Variants in GLYATL2 observed in about 807,000 individuals in gnomAD.
GLYATL2 encodes glycine-N-acyltransferase like 2.
Under a neutral mutation model 21.4 loss-of-function variants are expected in GLYATL2, and 25 were observed. The observed-to-expected ratio is 1.17, with a 90% confidence interval of 0.85 to 1.63. The LOEUF (loss-of-function observed/expected upper bound fraction) is 1.63. GLYATL2 is among the 40% of genes most tolerant of loss of function. The probability of loss-of-function intolerance (pLI) is 0.00; values close to 1 mark genes in which losing one functional copy is unlikely to be tolerated. For synonymous variants in GLYATL2, 114 were observed against 118.2 expected (o/e 0.96, Z 0.23); for missense variants, 361 against 343.3 (o/e 1.05, Z -0.41).
At chr11:58,860,495 T>C (rs1291581903) in intron 1 of GLYATL2, among the ~76,000 whole-genome samples, 2 of 152,120 alleles carry the variant, frequency 1.3e-5, no homozygotes, top group African/African-American at 4.8e-5. Context: ...TTTAACCTAG[T>C]TTGCTGCAGT....
intron 1 of GLYATL2, among the ~76,000 whole-genome samples, chr11:58,887,074 T>C (rs1050199211): frequency 1.8e-4 from 28 of 152,220 alleles, no homozygotes; most frequent in Non-Finnish European, 3.8e-4. Flanking sequence ...TTGTAGGAGG[T>C]CAAGTAGTTC....
chr11:58,873,495 AG>A (rs1177404119), intron 1 of GLYATL2, among the ~76,000 whole-genome samples: 3 of 152,196 alleles, frequency 2.0e-5, no homozygotes, highest in Non-Finnish European at 1.5e-5. Context: ...TTTAGCATGA[AG>A]GGCTGTTGAA....
At chr11:58,861,202 C>CTT (rs1853924873) in intron 1 of GLYATL2, among the ~76,000 whole-genome samples, 1 of 151,964 alleles carries the variant, frequency 6.6e-6, no homozygotes, top group African/African-American at 2.4e-5. Context: ...TGGAATTCAG[C>CTT]AGTGAAGCCA....
chr11:58,856,914 G>A (rs534618343), intron 1 of GLYATL2, among the ~76,000 whole-genome samples: 3 of 152,336 alleles, frequency 2.0e-5, no homozygotes, highest in African/African-American at 7.2e-5. Flanking sequence ...CAGTAGACTT[G>A]CTTGATGCAG....
chr11:58,834,301 G>T lies in GLYATL2; in HGVS notation c.*128C>A. 1.5e-6 allele frequency: 1 copy of T among 677,126 alleles called. No homozygotes were observed. The highest frequency in any genetic ancestry group is 2.3e-6 in the Non-Finnish European group (1 of 427,284). 41.9% of individuals were successfully genotyped at this position (677,126 alleles called of 1,614,324 possible). A position where few individuals can be genotyped will look rare whatever the true frequency, so the allele number is the denominator to read the frequency against. The stretch of plus-strand genomic sequence containing the variant: ...GAGAAGGAAGGTAAAACTGTTAAGG[G>T]TGAGCTTAAGTAATACACAGATCCT... On this transcript the variant is annotated 3_prime_UTR_variant, in exon 6 of 6. Coordinates refer to ENST00000287275, the MANE Select transcript of GLYATL2 (RefSeq NM_145016.4).
chr11:58,862,779 T>C (rs1314184852), intron 1 of GLYATL2, among the ~76,000 whole-genome samples: 3 of 152,224 alleles, frequency 2.0e-5, no homozygotes, highest in Non-Finnish European at 1.5e-5. Flanking sequence ...AGATTCATTG[T>C]CAGAAAGTTC....
chr11:58,887,653 G>A (rs1009506611), intron 1 of GLYATL2, among the ~76,000 whole-genome samples: 3 of 152,122 alleles, frequency 2.0e-5, no homozygotes, highest in Admixed American at 6.5e-5. Context: ...ACATCCCTTC[G>A]GGTGAATCAA....
upstream of GLYATL2, chr11:58,908,435 T>C (rs1417515635): frequency 1.2e-5 from 2 of 171,466 alleles, no homozygotes; most frequent in Non-Finnish European, 2.6e-5. Flanking sequence ...TTTCCACTAG[T>C]AGAAGTTAGT....
chr11:58,853,554 G>A (rs1482834925), intron 1 of GLYATL2, among the ~76,000 whole-genome samples: 1 of 152,092 alleles, frequency 6.6e-6, no homozygotes, highest in Non-Finnish European at 1.5e-5. Flanking sequence ...GGTGGGCTCT[G>A]ACACCTTTTA....
intron 1 of GLYATL2, among the ~76,000 whole-genome samples, chr11:58,873,747 C>CT (rs560627161): frequency 1.3e-5 from 2 of 152,052 alleles, no homozygotes; most frequent in Admixed American, 6.6e-5. Flanking sequence ...CTAAAATTCT[C>CT]TTTTTTTGTT....
At chr11:58,855,756 A>G (rs1853817416) in intron 1 of GLYATL2, among the ~76,000 whole-genome samples, 2 of 152,256 alleles carry the variant, frequency 1.3e-5, no homozygotes, top group African/African-American at 2.4e-5. Flanking sequence ...TTCAACAATT[A>G]TCTTAGCTAG....
chr11:58,874,731 G>T (rs1310008809), intron 1 of GLYATL2, among the ~76,000 whole-genome samples: 2 of 152,176 alleles, frequency 1.3e-5, no homozygotes, highest in African/African-American at 4.8e-5. Flanking sequence ...TTTTGTAGTA[G>T]TTGTAGTGTG....
At chr11:58,908,625 T>C (rs920303059), upstream of GLYATL2, 7 of 154,748 alleles carry the variant, frequency 4.5e-5, no homozygotes, top group Non-Finnish European at 8.7e-5. Context: ...GGAGATAAAT[T>C]CCTAAAGAAT....
Position 58,866,250 on chromosome 11 carries a change from G to T in GLYATL2, n.61-27882C>A, listed in dbSNP as rs191319956. Among the ~76,000 whole-genome samples, 3 of 149,036 alleles carry T rather than the reference G, an allele frequency of 2.0e-5. No individual in the cohort carries two copies. In the Admixed American group the frequency reaches 2.1e-4, roughly 10 times the overall value. On this transcript the variant is annotated intron_variant and non_coding_transcript_variant, in intron 1 of 4. Coordinates refer to the GLYATL2 transcript ENST00000533636. ...AGATTGTTATTTATCTCAAACTCCAGAAACTCTCATTCTTTTCTGGGATCC... is the reference window on the plus strand; with the variant it reads ...AGATTGTTATTTATCTCAAACTCCATAAACTCTCATTCTTTTCTGGGATCC...
chr11:58,894,730 A>C (rs993277948), intron 1 of GLYATL2, among the ~76,000 whole-genome samples: 1 of 152,200 alleles, frequency 6.6e-6, no homozygotes, highest in African/African-American at 2.4e-5. Flanking sequence ...TTCATCTTAG[A>C]AGGCTGTGGT....
chr11:58,850,787 A>C (rs1853727403), intron 1 of GLYATL2, among the ~76,000 whole-genome samples: 1 of 152,028 alleles, frequency 6.6e-6, no homozygotes, highest in Non-Finnish European at 1.5e-5. Context: ...ACTCTGCTCC[A>C]CCACTCTTGT....
chr11:58,854,180 C>T lies in GLYATL2; in HGVS notation n.61-15812G>A, dbSNP rs1297068196. Among the ~76,000 whole-genome samples the T allele has an allele frequency of 2.0e-5, 3 of 151,996 alleles. No homozygotes were observed. In the East Asian group the frequency reaches 5.8e-4, roughly 29 times the overall value. ...TTAGTATTCTATTGTGCATATATACCACATTTTTAATGTTCATTAATCTGT... is the reference window on the plus strand; with the variant it reads ...TTAGTATTCTATTGTGCATATATACTACATTTTTAATGTTCATTAATCTGT... On this transcript the variant is annotated intron_variant and non_coding_transcript_variant, in intron 1 of 4. Coordinates refer to the GLYATL2 transcript ENST00000533636.
chr11:58,897,349 C>A (rs770662707), intron 1 of GLYATL2, among the ~76,000 whole-genome samples: 5 of 152,164 alleles, frequency 3.3e-5, no homozygotes, highest in Non-Finnish European at 5.9e-5. Flanking sequence ...AGAAGGGTAA[C>A]CTGCATGCCC....
chr11:58,882,313 G>A (rs1854353279), intron 1 of GLYATL2, among the ~76,000 whole-genome samples: 1 of 152,180 alleles, frequency 6.6e-6, no homozygotes, highest in Non-Finnish European at 1.5e-5. Context: ...GTTTTGATTA[G>A]CATTTCTCTG....
Sources: gnomAD v4.1 joint callset for allele counts (sites outside exome capture counted in the v4.1 genomes callset) on GRCh38, gnomAD v4.1.1 for gene constraint, MANE v1.5 for transcripts, NCBI Gene and HGNC (gene_info 2026-07-23, HGNC 2026-07-21) for gene names.